MATCAP2: variants seen among roughly 807,000 people sequenced by gnomAD.
The protein encoded by MATCAP2 is putative tyrosine carboxypeptidase MATCAP2.
chr7:36,387,799 T>C, the MATCAP2 span, among the ~76,000 whole-genome samples: 1 of 152,142 alleles, frequency 6.6e-6, no homozygotes, highest in South Asian at 2.1e-4. Context: ...ACAAAGAAAC[T>C]AAGGCTCATA....
chr7:36,389,617 G>C, the MATCAP2 span, among the ~76,000 whole-genome samples: 4 of 152,236 alleles, frequency 2.6e-5, no homozygotes, highest in Non-Finnish European at 5.9e-5. Flanking sequence ...GGAATGTGTG[G>C]TTGTTGGGGG....
chr7:36,376,323 T>G, the MATCAP2 span, among the ~76,000 whole-genome samples: 4 of 152,254 alleles, frequency 2.6e-5, no homozygotes, highest in African/African-American at 9.6e-5. Flanking sequence ...AGAACATCTT[T>G]ATTTCTGCCT....
chr7:36,335,846 G>A, the MATCAP2 span, among the ~76,000 whole-genome samples: 5 of 152,226 alleles, frequency 3.3e-5, no homozygotes, highest in Admixed American at 1.3e-4. Context: ...CAAGGCAGGC[G>A]GATGACCTGA....
chr7:36,346,269 C>G, the MATCAP2 span, among the ~76,000 whole-genome samples: 1 of 152,138 alleles, frequency 6.6e-6, no homozygotes, highest in South Asian at 2.1e-4. Flanking sequence ...TATGTACTAA[C>G]AAGTCCACTA....
chr7:36,374,632 G>C, the MATCAP2 span, among the ~76,000 whole-genome samples: 2 of 152,162 alleles, frequency 1.3e-5, no homozygotes, highest in South Asian at 4.2e-4. Flanking sequence ...TTGGTTTGCT[G>C]CACCCATTAA....
chr7:36,333,786 T>G, the MATCAP2 span: 1 of 1,286,282 alleles, frequency 7.8e-7, no homozygotes, highest in African/African-American at 1.5e-5. Flanking sequence ...GATTCAGGGA[T>G]TAGGATATAA....
the MATCAP2 span, among the ~76,000 whole-genome samples, chr7:36,328,907 G>A: frequency 3.3e-4 from 50 of 152,248 alleles, no homozygotes; most frequent in Middle Eastern, 6.8e-3. Context: ...GCCGGGTGTG[G>A]TGGTGGATGC....
the MATCAP2 span, among the ~76,000 whole-genome samples, chr7:36,349,292 G>A: frequency 3.3e-5 from 5 of 152,170 alleles, no homozygotes; most frequent in South Asian, 4.1e-4. Context: ...TTTCTGTAAC[G>A]TGAACTGCAG....
the MATCAP2 span, among the ~76,000 whole-genome samples, chr7:36,328,967 C>T: frequency 6.6e-6 from 1 of 151,692 alleles, no homozygotes; most frequent in South Asian, 2.1e-4. Context: ...TGCTTGAACC[C>T]AGGAGGCAAA....
the MATCAP2 span, among the ~76,000 whole-genome samples, chr7:36,380,173 G>A: frequency 9.9e-5 from 15 of 152,186 alleles, no homozygotes; most frequent in Middle Eastern, 3.2e-3. Flanking sequence ...GGAGTAGGAT[G>A]AGCATGCCAT....
the MATCAP2 span, chr7:36,335,186 G>A: frequency 6.2e-7 from 1 of 1,613,090 alleles, no homozygotes; most frequent in African/African-American, 1.3e-5. Context: ...AATCTAAGGG[G>A]CAAGAGAAAA....
chr7:36,343,664 A>G, the MATCAP2 span, among the ~76,000 whole-genome samples: 14 of 137,740 alleles, frequency 1.0e-4, no homozygotes, highest in African/African-American at 3.8e-4. Context: ...AAGGAAGGAA[A>G]GAAAGTAAAG....
chr7:36,390,057 G>C, the MATCAP2 span: 1 of 1,613,698 alleles, frequency 6.2e-7, no homozygotes, highest in African/African-American at 1.3e-5. Flanking sequence ...GAGTGAGTTT[G>C]CGGGTGCAGC....
At chr7:36,378,195 A>G in the MATCAP2 span, among the ~76,000 whole-genome samples, 1 of 152,166 alleles carries the variant, frequency 6.6e-6, no homozygotes, top group Non-Finnish European at 1.5e-5. Flanking sequence ...GGTTTTTAAA[A>G]TGTTCAGCTT....
At chr7:36,361,322 G>A in the MATCAP2 span, among the ~76,000 whole-genome samples, 1 of 152,176 alleles carries the variant, frequency 6.6e-6, no homozygotes, top group Non-Finnish European at 1.5e-5. Context: ...TTTCACAACT[G>A]TGAGTAGGTG....
chr7:36,388,505 CAGTT>C, the MATCAP2 span, among the ~76,000 whole-genome samples: 1 of 152,198 alleles, frequency 6.6e-6, no homozygotes, highest in Non-Finnish European at 1.5e-5. Context: ...TGAAACCACT[CAGTT>C]GGGAGGAATA....
At chr7:36,334,234 T>C in the MATCAP2 span, 1 of 1,343,116 alleles carries the variant, frequency 7.4e-7, no homozygotes, top group Non-Finnish European at 1.0e-6. Flanking sequence ...AAAGTTAGAT[T>C]CCATCAACAA....
At chr7:36,382,884 T>C in the MATCAP2 span, among the ~76,000 whole-genome samples, 2 of 152,240 alleles carry the variant, frequency 1.3e-5, no homozygotes, top group East Asian at 3.8e-4. Flanking sequence ...TTCTTACTCT[T>C]TATGAAAGGA....
chr7:36,360,799 A>G, the MATCAP2 span, among the ~76,000 whole-genome samples: 127 of 152,314 alleles, frequency 8.3e-4, no homozygotes, highest in Admixed American at 3.0e-3. Flanking sequence ...AGAACATCCT[A>G]TTCTCTGAAT....
Sources: allele counts gnomAD v4.1 joint callset (sites outside exome capture counted in the v4.1 genomes callset), GRCh38; gene constraint gnomAD v4.1.1; transcripts MANE v1.5; gene names NCBI Gene and HGNC (gene_info 2026-07-23, HGNC 2026-07-21).